LRFN2: variants seen among roughly 807,000 people sequenced by gnomAD.
LRFN2 encodes leucine-rich repeat and fibronectin type-III domain-containing protein 2.
In LRFN2, 18 loss-of-function variants were observed where a neutral mutation model predicts 37.3. That is an observed-to-expected ratio of 0.48 (90% confidence interval 0.33 to 0.72). LRFN2 has a LOEUF of 0.72. LRFN2 is among the 30% of genes least tolerant of loss of function. LRFN2 has a pLI of 0.02. For missense variants in LRFN2, 1,006 were observed against 1,060.7 expected, an observed-to-expected ratio of 0.95 and a Z score of 0.72; for synonymous variants, 556 against 466.6, an observed-to-expected ratio of 1.19 and a Z score of -2.47.
rs1762507989 is a variant in LRFN2 at position 40,391,788 on chromosome 6, G to A, written c.*155C>T. On this transcript the variant is annotated 3_prime_UTR_variant, in exon 3 of 3. Transcript: ENST00000338305. ...CGGGTGGTGGGGAGGTGATGTGGGT[G>A]TTGCGGGGTAGGGGGGGACACGAGG... is the stretch of plus-strand genomic sequence containing the variant. 3 of 677,504 alleles carry A rather than the reference G, an allele frequency of 4.4e-6. No individual in the cohort carries two copies. The highest frequency in any genetic ancestry group is 6.7e-6 in the Non-Finnish European group (3 of 448,986). 42.0% of individuals were successfully genotyped at this position (677,504 alleles called of 1,614,324 possible).
In LRFN2 at chr6:40,431,883, C is replaced by T. The variant is rs150417685; in HGVS notation, c.1231G>A (p.Gly411Ser). 1 of 1,607,266 alleles carries T rather than the reference C, an allele frequency of 6.2e-7. No homozygotes were observed. The highest frequency in any genetic ancestry group is 8.5e-7 in the Non-Finnish European group (1 of 1,175,722). The change falls in exon 2 of 3, where the codon GGC (glycine) becomes AGC (serine). Residue 411 changes from glycine (G) to serine (S), a missense_variant. Transcript: ENST00000338305. ...TTGGGAGGCTCTCCGCCCCCACTGC[C>T]TCCACCTCCCCGGCTGGTCTTGCTG... ...GSSKTSRGGG[G>S]SGGGEPPKSP...
At chr6:40,540,342 T>C (rs1766529830) in intron 1 of LRFN2, among the ~76,000 whole-genome samples, 1 of 152,154 alleles carries the variant, frequency 6.6e-6, no homozygotes, top group South Asian at 2.1e-4. Context: ...AGGAGTGCCA[T>C]CTGTAAAATG....
At chr6:40,422,859 A>G in intron 2 of LRFN2, among the ~76,000 whole-genome samples, 1 of 152,132 alleles carries the variant, frequency 6.6e-6, no homozygotes, top group East Asian at 1.9e-4. Flanking sequence ...CTGGAGGGGG[A>G]AAAAGCTTCA....
At chr6:40,515,315 T>C (rs1765832024) in intron 1 of LRFN2, among the ~76,000 whole-genome samples, 1 of 152,158 alleles carries the variant, frequency 6.6e-6, no homozygotes, top group Non-Finnish European at 1.5e-5. Context: ...TTGGAAACTG[T>C]GTGCTGACCT....
At chr6:40,442,235 C>T (rs1459776498) in intron 1 of LRFN2, among the ~76,000 whole-genome samples, 1 of 152,196 alleles carries the variant, frequency 6.6e-6, no homozygotes, top group African/African-American at 2.4e-5. Flanking sequence ...CGCAAAGTGG[C>T]AGATAATCCT....
intron 1 of LRFN2, among the ~76,000 whole-genome samples, chr6:40,465,828 C>T (rs115879630): frequency 0.014 from 2,168 of 152,190 alleles, 48 homozygotes; most frequent in African/African-American, 0.049. Flanking sequence ...CACTGTCCAC[C>T]CAGAGAAGAA....
At chr6:40,397,519 A>C (rs1762641188) in intron 2 of LRFN2, among the ~76,000 whole-genome samples, 1 of 152,150 alleles carries the variant, frequency 6.6e-6, no homozygotes, top group Non-Finnish European at 1.5e-5. Context: ...ATGGTCTACA[A>C]GAGACAGTGC....
At chr6:40,580,963 G>A (rs536325234) in intron 1 of LRFN2, among the ~76,000 whole-genome samples, 2 of 152,282 alleles carry the variant, frequency 1.3e-5, no homozygotes, top group African/African-American at 4.8e-5. Flanking sequence ...ATGCAAGTGT[G>A]GATGTGTGTG....
chr6:40,516,863 G>A lies in LRFN2; in HGVS notation c.-19+70078C>T, dbSNP rs190804089. Among the ~76,000 whole-genome samples the A allele has an allele frequency of 2.4e-4, 37 of 152,270 alleles. 1 individual carries two copies. The highest frequency in any genetic ancestry group is 5.9e-4 in the Admixed American group (9 of 15,296). ...GAGCTCATTCTCATCTAAGAAAGGG[G>A]CAGAAAAAGACCCCAAGGCCAGGAA... is the stretch of plus-strand genomic sequence containing the variant. On this transcript the variant is annotated intron_variant, in intron 1 of 2. Coordinates refer to ENST00000338305, the MANE Select transcript of LRFN2 (RefSeq NM_020737.3).
chr6:40,433,040 C>A lies in LRFN2; in HGVS notation c.74G>T (p.Cys25Phe). The A allele has an allele frequency of 6.3e-7, 1 of 1,588,766 alleles. No homozygotes were observed. Among genetic ancestry groups the A allele is most frequent in the Non-Finnish European group, 8.6e-7 (1 of 1,168,074 alleles). ...FAVVDACPKY[C>F]VCQNLSESLG... Reference sequence around the variant, plus strand: ...TGACTCAGACAGATTCTGGCAGACACAGTACTTGGGGCAGGCGTCGACCAC... The same window carrying A: ...TGACTCAGACAGATTCTGGCAGACAAAGTACTTGGGGCAGGCGTCGACCAC... Residue 25 changes from cysteine (C) to phenylalanine (F), a missense_variant, in exon 2 of 3, where the codon TGT (cysteine) becomes TTT (phenylalanine). This residue lies in a region of LRFN2 where 185 missense variants were observed against 254.9 expected (regional missense o/e 0.73). Coordinates refer to ENST00000338305, the MANE Select transcript of LRFN2 (RefSeq NM_020737.3).
chr6:40,504,778 C>A (rs748097445), intron 1 of LRFN2, among the ~76,000 whole-genome samples: 1 of 152,114 alleles, frequency 6.6e-6, no homozygotes, highest in Admixed American at 6.5e-5. Flanking sequence ...AAAGCTCTTT[C>A]GTATACAGAA....
At chr6:40,395,445 C>T (rs149548445) in intron 2 of LRFN2, among the ~76,000 whole-genome samples, 5 of 152,324 alleles carry the variant, frequency 3.3e-5, no homozygotes, top group East Asian at 3.9e-4. Context: ...CTGTGACTCA[C>T]GCTCCTCTAC....
intron 2 of LRFN2, among the ~76,000 whole-genome samples, chr6:40,419,617 C>T (rs1474235213): frequency 6.6e-6 from 1 of 152,186 alleles, no homozygotes; most frequent in East Asian, 1.9e-4. Flanking sequence ...GTTGTGGCAG[C>T]AGCTGATGAA....
intron 1 of LRFN2, among the ~76,000 whole-genome samples, chr6:40,443,273 T>C (rs1581709750): frequency 6.6e-6 from 1 of 152,186 alleles, no homozygotes; most frequent in East Asian, 1.9e-4. Context: ...GTGACTACCT[T>C]TACTGTTTTT....
chr6:40,419,142 AG>A (rs1395534721), intron 2 of LRFN2, among the ~76,000 whole-genome samples: 2 of 152,222 alleles, frequency 1.3e-5, no homozygotes, highest in Non-Finnish European at 2.9e-5. Flanking sequence ...GCTTTCTGCC[AG>A]GAAAGTCAAG....
rs571128403 is a variant in LRFN2, at chr6:40,476,777, T to A, written c.-18-43646A>T. ...CTGTTTCGCCACCACACTGGGGCAA[T>A]CCTGAGAGCAGGCGTGACCCACAGC... is the stretch of plus-strand genomic sequence containing the variant. On this transcript the variant is annotated intron_variant, in intron 1 of 2. Transcript: ENST00000338305. 2.6e-3 allele frequency among the ~76,000 whole-genome samples: 394 copies of A among 152,322 alleles called. 1 individual carries two copies. The highest frequency in any genetic ancestry group is 0.017 in the Middle Eastern group (5 of 292).
At chr6:40,580,242 A>G (rs190590698) in intron 1 of LRFN2, among the ~76,000 whole-genome samples, 21 of 152,330 alleles carry the variant, frequency 1.4e-4, no homozygotes, top group Admixed American at 4.6e-4. Context: ...GGGCTGCCCC[A>G]GGGTGGCATT....
intron 1 of LRFN2, among the ~76,000 whole-genome samples, chr6:40,581,254 G>A (rs76142896): frequency 9.9e-5 from 15 of 152,174 alleles, no homozygotes; most frequent in South Asian, 2.1e-4. Flanking sequence ...AGATGGCTCC[G>A]CAGAGATGTC....
chr6:40,546,744 C>A (rs1040733817), intron 1 of LRFN2, among the ~76,000 whole-genome samples: 2 of 152,148 alleles, frequency 1.3e-5, no homozygotes, highest in Non-Finnish European at 2.9e-5. Context: ...GGGTTCACTA[C>A]CCTATGTGGC....
Sources: gnomAD v4.1 joint callset for allele counts (sites outside exome capture counted in the v4.1 genomes callset) on GRCh38, gnomAD v4.1.1 for gene constraint, gnomAD v4.1.1 regional missense constraint, MANE v1.5 for transcripts, NCBI Gene and HGNC (gene_info 2026-07-23, HGNC 2026-07-21) for gene names.